Variants in MTOR observed in about 807,000 individuals in gnomAD.
The protein encoded by MTOR is mechanistic target of rapamycin kinase, also known as serine/threonine-protein kinase mTOR.
In MTOR, 70 loss-of-function variants were observed where a neutral mutation model predicts 319.8. The observed-to-expected ratio is 0.22, with a 90% CI of 0.18 to 0.27. The LOEUF (loss-of-function observed/expected upper bound fraction) is 0.27, where lower values mean the gene tolerates loss of function less well. MTOR is among the 10% of genes least tolerant of loss of function. The pLI is 1.00. For missense variants in MTOR, 1,890 were observed against 3,274.4 expected, an observed-to-expected ratio of 0.58 and a Z score of 10.32; for synonymous variants, 1,183 against 1,211.4, an observed-to-expected ratio of 0.98 and a Z score of 0.49.
At chr1:11,113,507 T>C (rs757513599) in intron 53 of MTOR, among the ~76,000 whole-genome samples, 1 of 152,214 alleles carries the variant, frequency 6.6e-6, no homozygotes, top group Non-Finnish European at 1.5e-5. Flanking sequence ...GTTTGTAAAA[T>C]GTTATGTGCT....
At position 11,115,624 on chromosome 1, in the gene MTOR, G is replaced by A. The variant is rs113491275; in HGVS notation, c.7017-156C>T. 513 of 664,804 alleles carry A rather than the reference G, an allele frequency of 7.7e-4. 4 individuals carry two copies. The African/African-American group carries it at 7.9e-3, about 10-fold the overall frequency. 41.2% of individuals were successfully genotyped at this position (664,804 alleles called of 1,614,324 possible). A position where few individuals can be genotyped will look rare whatever the true frequency, so the allele number is the denominator to read the frequency against. Reference sequence around the variant, plus strand: ...CACTTCTGCAAGTCCAGTTTTACTGGAACACACAGCACGCTCCCTTGTTTA... The same window carrying A: ...CACTTCTGCAAGTCCAGTTTTACTGAAACACACAGCACGCTCCCTTGTTTA... On this transcript the variant is annotated intron_variant, in intron 50 of 57. Transcript: ENST00000361445. This position sits in a 1 kb window ranked among gnomAD's most constrained non-coding sequence, Gnocchi z 4.5.
At chr1:11,218,068 T>C (rs2746638) in intron 19 of MTOR, among the ~76,000 whole-genome samples, 98,312 of 151,978 alleles carry the variant, frequency 0.65, 34,030 homozygotes, top group East Asian at 0.91. Context: ...TCCCCACCAT[T>C]CCCCAAATTG....
intron 28 of MTOR, among the ~76,000 whole-genome samples, chr1:11,185,444 G>T (rs1350260742): frequency 6.6e-6 from 1 of 151,024 alleles, no homozygotes; most frequent in East Asian, 1.9e-4. Context: ...AAGAAAGAAA[G>T]AAAGAAAAAA....
At position 11,234,028 on chromosome 1, in the gene MTOR, G is replaced by A; in HGVS notation, c.2331+115C>T. Reference sequence around the variant, plus strand: ...GGCCCTTTGGTCTCCAAGCGTGAGAGCAAAGAAATCACCTACTTTGTTCAG... The same window carrying A: ...GGCCCTTTGGTCTCCAAGCGTGAGAACAAAGAAATCACCTACTTTGTTCAG... On this transcript the variant is annotated intron_variant, in intron 14 of 57. Transcript: ENST00000361445. 7 of 1,470,344 alleles carry A rather than the reference G, an allele frequency of 4.8e-6. No homozygotes were observed. In the South Asian group the frequency reaches 6.9e-5, roughly 15 times the overall value. 91.1% of individuals were successfully genotyped at this position (1,470,344 alleles called of 1,614,324 possible). A position where few individuals can be genotyped will look rare whatever the true frequency, so the allele number is the denominator to read the frequency against.
intron 16 of MTOR, 95 bp downstream of exon 16, chr1:11,232,341 A>T: frequency 3.6e-6 from 3 of 832,202 alleles, no homozygotes; most frequent in Non-Finnish European, 5.9e-6. Context: ...ACTCTGTTCT[A>T]GGCACTGGGT....
intron 49 of MTOR, among the ~76,000 whole-genome samples, chr1:11,120,042 T>C (rs1642425083): frequency 6.8e-6 from 1 of 146,806 alleles, no homozygotes. Flanking sequence ...ACAGTGAGAC[T>C]TTGTCTCTAA....
chr1:11,118,228 A>AGTTTTTTTTTTTTTTTTTTT (rs1557742913), intron 49 of MTOR, among the ~76,000 whole-genome samples: 1 of 120,766 alleles, frequency 8.3e-6, no homozygotes, highest in African/African-American at 4.0e-5. Flanking sequence ...AACTTAGTTA[A>AGTTTTTTTTTTTTTTTTTTT]TTTTTTTTTT....
chr1:11,139,493 G>A (rs1643585982), intron 35 of MTOR, 40 bp downstream of exon 35: 1 of 1,614,122 alleles, frequency 6.2e-7, no homozygotes, highest in Non-Finnish European at 8.5e-7. Flanking sequence ...GGACACCATG[G>A]GGCCCTACCT....
At chr1:11,246,489 C>A (rs1648842903) in intron 8 of MTOR, among the ~76,000 whole-genome samples, 1 of 152,224 alleles carries the variant, frequency 6.6e-6, no homozygotes, top group South Asian at 2.1e-4. Context: ...TCTGTTATTT[C>A]TCTCTGGTTC....
chr1:11,108,368 T>C (rs915678035), intron 56 of MTOR, 82 bp from the exon 57 acceptor site: 7 of 1,064,730 alleles, frequency 6.6e-6, no homozygotes, highest in Non-Finnish European at 1.0e-5. Flanking sequence ...TAACTGTCTA[T>C]GCCAACAGCT....
chr1:11,114,468 G>C lies in MTOR; in HGVS notation c.7165-15C>G, dbSNP rs754954596. 2.9e-5 allele frequency: 46 copies of C among 1,614,026 alleles called. No homozygotes were observed. Among genetic ancestry groups the C allele is most frequent in the South Asian group, 2.1e-4 (19 of 91,084 alleles). ...AGGCCTGTAACCTAGAAATGGGACA[G>C]AGCCACTCACCACAGGAGTTACTAA... is the stretch of plus-strand genomic sequence containing the variant. On this transcript the variant is annotated splice_polypyrimidine_tract_variant and intron_variant, in intron 52 of 57. Transcript: ENST00000361445.
At chr1:11,200,945 G>A (rs1203466238) in intron 26 of MTOR, among the ~76,000 whole-genome samples, 1 of 151,504 alleles carries the variant, frequency 6.6e-6, no homozygotes. Flanking sequence ...AACCTGGGAG[G>A]CAGAGTTTGC....
intron 29 of MTOR, among the ~76,000 whole-genome samples, chr1:11,163,476 A>C (rs919805696): frequency 1.3e-5 from 2 of 152,178 alleles, no homozygotes; most frequent in Non-Finnish European, 2.9e-5. Flanking sequence ...TCAACAGAAT[A>C]TACATTCTTC....
At chr1:11,160,401 T>C (rs929291147) in intron 29 of MTOR, among the ~76,000 whole-genome samples, 2 of 152,184 alleles carry the variant, frequency 1.3e-5, no homozygotes, top group African/African-American at 4.8e-5. Context: ...CGCCCGGCTG[T>C]ATAGCATATA....
chr1:11,210,389 A>G (rs1646270802), intron 24 of MTOR, among the ~76,000 whole-genome samples: 1 of 152,202 alleles, frequency 6.6e-6, no homozygotes, highest in Admixed American at 6.5e-5. Context: ...GGCTCAAGCA[A>G]TCCACCTGCC....
chr1:11,157,963 G>T (rs1644366777), intron 29 of MTOR, among the ~76,000 whole-genome samples: 2 of 152,122 alleles, frequency 1.3e-5, no homozygotes, highest in Admixed American at 6.5e-5. Flanking sequence ...TGCTTGGCAG[G>T]TTTACCAGTG....
In MTOR at chr1:11,146,763, G is replaced by A. The variant is rs764813737; in HGVS notation, c.4599C>T (p.Thr1533=). Residue 1533 remains threonine (T), a synonymous_variant, in exon 32 of 58, where the codon ACC becomes ACT. Coordinates refer to ENST00000361445, the MANE Select transcript of MTOR (RefSeq NM_004958.4). ...LGQWDSMEEY[T]CMIPRDTHDG... ...CATGGGTGTCCCGAGGGATCATACA[G>A]GTGTATTCTTCCATGCTGTCCCACT... 16 of 1,613,952 alleles carry A rather than the reference G, an allele frequency of 9.9e-6. No individual in the cohort carries two copies. The highest frequency in any genetic ancestry group is 5.5e-5 in the South Asian group (5 of 91,080).
intron 34 of MTOR, among the ~76,000 whole-genome samples, chr1:11,142,825 C>T (rs1373889248): frequency 6.6e-6 from 1 of 152,210 alleles, no homozygotes; most frequent in Non-Finnish European, 1.5e-5. Flanking sequence ...TAAGGCTGAC[C>T]TCTCTAACTG....
intron 19 of MTOR, among the ~76,000 whole-genome samples, chr1:11,222,138 C>T (rs1646684954): frequency 6.6e-6 from 1 of 151,912 alleles, no homozygotes. Context: ...ACATGATCTA[C>T]ACTTCAAATT....
Sources: gnomAD v4.1 joint callset for allele counts (sites outside exome capture counted in the v4.1 genomes callset) on GRCh38, gnomAD v4.1.1 for gene constraint, Gnocchi (gnomAD v3.1) non-coding constraint, MANE v1.5 for transcripts, NCBI Gene and HGNC (gene_info 2026-07-23, HGNC 2026-07-21) for gene names.